ATP13A4: variants seen among roughly 807,000 people sequenced by gnomAD.
The protein encoded by ATP13A4 is ATPase 13A4, also known as probable cation-transporting ATPase 13A4.
Under a neutral mutation model 142.5 loss-of-function variants are expected in ATP13A4, and 114 were observed. The ratio of observed to expected loss-of-function variants is 0.80; its 90% CI spans 0.69 to 0.93. ATP13A4 has a LOEUF of 0.93. ATP13A4 is among the 40% of genes least tolerant of loss of function. The pLI is 0.00. For missense variants in ATP13A4, 1,392 were observed against 1,454.0 expected (o/e 0.96, Z 0.69); for synonymous variants, 488 against 514.8 (o/e 0.95, Z 0.70).
intron 8 of ATP13A4, among the ~76,000 whole-genome samples, chr3:193,473,943 AC>A (rs907335775): frequency 2.0e-5 from 3 of 152,188 alleles, no homozygotes. Context: ...ACGAGGTCTG[AC>A]CATTAGTTGG....
intron 2 of ATP13A4, among the ~76,000 whole-genome samples, chr3:193,580,345 C>T (rs1316369233): frequency 3.9e-5 from 6 of 152,078 alleles, no homozygotes; most frequent in Admixed American, 1.3e-4. Flanking sequence ...GCAGTTGTAG[C>T]AGGATATAGC....
intron 17 of ATP13A4, 119 bp downstream of exon 17, chr3:193,453,982 C>G (rs1438602804): frequency 1.2e-6 from 1 of 812,652 alleles, no homozygotes; most frequent in African/African-American, 1.7e-5. Context: ...CAGCAAGCTA[C>G]ATTGCTCTGT....
chr3:193,586,731 G>A (rs1042952139), intron 1 of ATP13A4, among the ~76,000 whole-genome samples: 4 of 152,326 alleles, frequency 2.6e-5, no homozygotes, highest in Admixed American at 2.0e-4. Flanking sequence ...TTGGCCTTAT[G>A]CCAATACCAC....
At chr3:193,458,927 G>T in intron 14 of ATP13A4, 154 bp downstream of exon 14, 1 of 980,084 alleles carries the variant, frequency 1.0e-6, no homozygotes, top group Non-Finnish European at 1.6e-6. Flanking sequence ...TTGCACAGAT[G>T]AGGAAACCAG....
intron 25 of ATP13A4, among the ~76,000 whole-genome samples, chr3:193,425,650 A>C (rs1056290840): frequency 1.3e-5 from 2 of 151,734 alleles, no homozygotes; most frequent in Non-Finnish European, 3.0e-5. Flanking sequence ...TTGTAGAATC[A>C]AAAAAAGTTG....
intron 20 of ATP13A4, 88 bp from the exon 21 acceptor site, chr3:193,440,725 C>A: frequency 7.3e-7 from 1 of 1,367,368 alleles, no homozygotes. Context: ...TTGACTGCAT[C>A]ATGACACTTA....
chr3:193,457,461 A>G lies in ATP13A4; in HGVS notation c.1679T>C (p.Met560Thr). 1 of 1,613,182 alleles carries G rather than the reference A, an allele frequency of 6.2e-7. No homozygotes were observed. Among genetic ancestry groups the G allele is most frequent in the Non-Finnish European group, 8.5e-7 (1 of 1,179,282 alleles). Residue 560 changes from methionine (M) to threonine (T), a missense_variant, in exon 15 of 30, where the codon ATG becomes ACG. Met to Thr is a moderately conservative substitution (Grantham distance 81). Transcript: ENST00000342695. ...LKMFEATTWE[M>T]AFSGDDFHIK... Reference sequence around the variant, plus strand: ...GTGGAAATCGTCCCCAGAAAAAGCCATTTCCTATTTCACAAATAGGATATT... The same window carrying G: ...GTGGAAATCGTCCCCAGAAAAAGCCGTTTCCTATTTCACAAATAGGATATT...
At chr3:193,451,166 TG>T (rs1307877940) in intron 17 of ATP13A4, among the ~76,000 whole-genome samples, 1 of 152,146 alleles carries the variant, frequency 6.6e-6, no homozygotes, top group Admixed American at 6.5e-5. Context: ...TTGAAGTGCA[TG>T]GGGGTTTGGC....
intron 1 of ATP13A4, among the ~76,000 whole-genome samples, chr3:193,519,232 G>A (rs1721583809): frequency 6.6e-6 from 1 of 152,160 alleles, no homozygotes; most frequent in Non-Finnish European, 1.5e-5. Context: ...TGGTAAAAGA[G>A]GATTGACACT....
intron 2 of ATP13A4, among the ~76,000 whole-genome samples, chr3:193,560,411 G>A (rs187331102): frequency 6.6e-6 from 1 of 152,088 alleles, no homozygotes; most frequent in Non-Finnish European, 1.5e-5. Flanking sequence ...CAAAAAACAT[G>A]TTGCCCAGGC....
At chr3:193,536,712 A>G (rs758931404) in intron 1 of ATP13A4, among the ~76,000 whole-genome samples, 1 of 152,064 alleles carries the variant, frequency 6.6e-6, no homozygotes, top group Non-Finnish European at 1.5e-5. Context: ...TTCTCTGTAG[A>G]AAATACCCAA....
At chr3:193,522,129 T>C (rs1324558948) in intron 1 of ATP13A4, among the ~76,000 whole-genome samples, 1 of 152,136 alleles carries the variant, frequency 6.6e-6, no homozygotes, top group South Asian at 2.1e-4. Context: ...TAAACAGATG[T>C]GTTTGGGGCT....
At chr3:193,448,418 CT>C in intron 17 of ATP13A4, 88 bp from the exon 18 acceptor site, 1 of 1,535,308 alleles carries the variant, frequency 6.5e-7, no homozygotes. Flanking sequence ...GTCATCCAGG[CT>C]GGAGGACAGT....
Position 193,531,065 on chromosome 3 carries a change from T to A in ATP13A4, c.61-16194A>T, listed in dbSNP as rs1359816386. 3.3e-5 allele frequency among the ~76,000 whole-genome samples: 5 copies of A among 152,004 alleles called. No individual in the cohort carries two copies. The East Asian group carries it at 9.7e-4, about 29-fold the overall frequency. ...TTGCTGTTAAACTTCTATTCATCCA[T>A]CAAGATTCCTTTCAGTTAGCACTTT... On this transcript the variant is annotated intron_variant, in intron 1 of 29. Transcript: ENST00000342695.
At chr3:193,437,081 G>A (rs1716326476) in intron 23 of ATP13A4, among the ~76,000 whole-genome samples, 1 of 134,636 alleles carries the variant, frequency 7.4e-6, no homozygotes, top group Non-Finnish European at 1.5e-5. Flanking sequence ...TCCAGCCTGG[G>A]CGACAGAGTG....
intron 13 of ATP13A4, among the ~76,000 whole-genome samples, chr3:193,459,750 T>C (rs1007814966): frequency 1.3e-5 from 2 of 152,190 alleles, no homozygotes; most frequent in African/African-American, 4.8e-5. Context: ...AAAACATTTT[T>C]CAAATGAACA....
chr3:193,430,146 A>C (rs1447591680), intron 25 of ATP13A4, among the ~76,000 whole-genome samples: 1 of 152,126 alleles, frequency 6.6e-6, no homozygotes, highest in Non-Finnish European at 1.5e-5. Flanking sequence ...TTCTATTCGA[A>C]ATAAATTTCA....
chr3:193,491,549 CA>C lies in ATP13A4; in HGVS notation c.534-152del, dbSNP rs530756704. The C allele has an allele frequency of 6.2e-4, 418 of 675,990 alleles. 2 individuals carry two copies. The African/African-American group carries it at 6.9e-3, about 11-fold the overall frequency. The allele number at this position is 675,990 out of a possible 1,614,324, so 41.9% of individuals were successfully genotyped here. A position where few individuals can be genotyped will look rare whatever the true frequency, so the allele number is the denominator to read the frequency against. The stretch of plus-strand genomic sequence containing the variant: ...TGTTAAATACCATTCTGATCCTTCT[CA>C]AAATAATGGGAGGTGAGGGTTCCCA... On this transcript the variant is annotated intron_variant, in intron 5 of 29. Coordinates refer to ENST00000342695, the MANE Select transcript of ATP13A4 (RefSeq NM_032279.4).
At chr3:193,514,574 A>C in intron 2 of ATP13A4, 124 bp downstream of exon 2, 4 of 1,278,522 alleles carry the variant, frequency 3.1e-6, no homozygotes, top group Non-Finnish European at 4.5e-6. Flanking sequence ...ATGAAACCTA[A>C]GGAACCAAAG....
Sources: gnomAD v4.1 joint callset for allele counts (sites outside exome capture counted in the v4.1 genomes callset) on GRCh38, gnomAD v4.1.1 for gene constraint, MANE v1.5 for transcripts, NCBI Gene and HGNC (gene_info 2026-07-23, HGNC 2026-07-21) for gene names.